The following EIF4G3 variants were observed in gnomAD, a reference collection of about 807,000 sequenced individuals.
EIF4G3 encodes the protein eIF-4-gamma 3.
In EIF4G3, 34 loss-of-function variants were observed where a neutral mutation model predicts 186.4. The ratio of observed to expected loss-of-function variants is 0.18; its 90% CI spans 0.14 to 0.24. The LOEUF (loss-of-function observed/expected upper bound fraction) is 0.24. Among genes scored for constraint, EIF4G3 ranks in the 10% least tolerant of loss-of-function variants. The pLI, the probability that EIF4G3 is intolerant of heterozygous loss-of-function variation, is 1.00. For missense variants in EIF4G3, 1,536 were observed against 1,948.5 expected (o/e 0.79, Z 3.99); for synonymous variants, 673 against 679.5 (o/e 0.99, Z 0.15).
At chr1:20,912,885 G>A (rs1030939597) in intron 14 of EIF4G3, among the ~76,000 whole-genome samples, 2 of 152,096 alleles carry the variant, frequency 1.3e-5, no homozygotes, top group Non-Finnish European at 2.9e-5. Flanking sequence ...ATCTTCATGG[G>A]AATCTAGGAA....
At position 20,950,032 on chromosome 1, in the gene EIF4G3, G is replaced by A. The variant is rs762997218; in HGVS notation, c.794C>T (p.Pro265Leu). 50 of 1,613,618 alleles carry A rather than the reference G, an allele frequency of 3.1e-5. No homozygotes were observed. In the South Asian group the frequency reaches 4.8e-4, roughly 16 times the overall value. ...VESAHLAAST[P>L]VTAASDQKQE... ...CTTCTGGTCGCTAGCTGCAGTGACA[G>A]GGGTGCTGGCAGCAAGATGAGCGCT... Residue 265 changes from proline (P) to leucine (L), a missense_variant, in exon 13 of 37, where the codon CCT (proline) becomes CTT (leucine). Coordinates refer to ENST00000602326, the MANE Select transcript of EIF4G3 (RefSeq NM_001391906.1).
intron 2 of EIF4G3, among the ~76,000 whole-genome samples, chr1:21,150,550 A>G (rs1573382290): frequency 6.6e-6 from 1 of 152,356 alleles, no homozygotes; most frequent in East Asian, 1.9e-4. Context: ...TGGAAAATCT[A>G]AACGCATTTC....
At chr1:20,987,633 G>A (rs1195311242) in intron 7 of EIF4G3, among the ~76,000 whole-genome samples, 1 of 152,116 alleles carries the variant, frequency 6.6e-6, no homozygotes, top group Non-Finnish European at 1.5e-5. Context: ...ACCCATAGAA[G>A]ACAGCAAACT....
intron 17 of EIF4G3, among the ~76,000 whole-genome samples, chr1:20,894,553 C>T (rs113092809): frequency 1.1e-3 from 167 of 152,190 alleles, no homozygotes; most frequent in African/African-American, 3.9e-3. Context: ...AATTTTTTTG[C>T]GTGAAAATTC....
At chr1:20,871,200 A>C (rs1028978027) in intron 20 of EIF4G3, among the ~76,000 whole-genome samples, 2 of 152,230 alleles carry the variant, frequency 1.3e-5, no homozygotes, top group African/African-American at 4.8e-5. Context: ...AATGACATGG[A>C]AAGAGAAAAA....
intron 14 of EIF4G3, among the ~76,000 whole-genome samples, chr1:20,910,786 T>C (rs2093068912): frequency 6.6e-6 from 1 of 152,096 alleles, no homozygotes; most frequent in Admixed American, 6.6e-5. Context: ...GAGAGTAGGT[T>C]AAGGTTAAAA....
intron 12 of EIF4G3, among the ~76,000 whole-genome samples, chr1:20,960,220 A>G (rs2096540462): frequency 6.6e-6 from 1 of 151,232 alleles, no homozygotes; most frequent in African/African-American, 2.4e-5. Flanking sequence ...TAATCCCAGC[A>G]CTTTGGGAGG....
At position 21,036,820 on chromosome 1, in the gene EIF4G3, G is replaced by C. The variant is rs572915411; in HGVS notation, c.-67+14046C>G. ...GGTTTGAGCCCAGGAGGTAGAGGTT[G>C]CAATGAGCCAAGATCGTGCCACTGC... is the stretch of plus-strand genomic sequence containing the variant. On this transcript the variant is annotated intron_variant, in intron 4 of 36. Coordinates refer to ENST00000602326, the MANE Select transcript of EIF4G3 (RefSeq NM_001391906.1). 2.4e-4 allele frequency among the ~76,000 whole-genome samples: 36 copies of C among 152,282 alleles called. No homozygotes were observed. In the South Asian group the frequency reaches 7.5e-3, roughly 32 times the overall value.
At chr1:20,884,927 G>A (rs562164290) in intron 19 of EIF4G3, among the ~76,000 whole-genome samples, 1 of 152,200 alleles carries the variant, frequency 6.6e-6, no homozygotes, top group Admixed American at 6.5e-5. Context: ...TGGGGGTGGG[G>A]TTGAGCGGGG....
In EIF4G3 at chr1:20,817,409, T is replaced by C; in HGVS notation, c.4498A>G (p.Ile1500Val). Residue 1500 changes from isoleucine to valine, a missense_variant, in exon 34 of 37, where the codon ATC (isoleucine) becomes GTC (valine). This residue lies in a region of EIF4G3 where 395 missense variants were observed against 498.9 expected (regional missense o/e 0.79). Coordinates refer to ENST00000602326, the MANE Select transcript of EIF4G3 (RefSeq NM_001391906.1). ...CTTTATACCTCTACCCAGTCAAAGA[T>C]CTGTTCATCATTCGCTTTGTCCTCA... ...IIEDKANDEQ[I>V]FDWVEANLDE... is the part of the protein sequence containing the mutation. 2.5e-6 allele frequency: 4 copies of C among 1,598,740 alleles called. No homozygotes were observed. Among genetic ancestry groups the C allele is most frequent in the Non-Finnish European group, 3.4e-6 (4 of 1,170,970 alleles).
At chr1:20,932,404 G>A (rs2095352044) in intron 14 of EIF4G3, among the ~76,000 whole-genome samples, 1 of 152,054 alleles carries the variant, frequency 6.6e-6, no homozygotes, top group South Asian at 2.1e-4. Flanking sequence ...CTTTTCCTTT[G>A]CATTCACAAC....
In EIF4G3 at chr1:20,863,378, T is replaced by TAAAAAAAAAAAAAAAAAAA. The variant is rs3051243; in HGVS notation, c.3007-1065_3007-1047dup. On this transcript the variant is annotated intron_variant, in intron 22 of 36. Transcript: ENST00000602326. ...TGAGACCCATCATCTCTACAAAAAG[T>TAAAAAAAAAAAAAAAAAAA]AAAAAAAAAAAAAAAAAAAAAAAAT... Among the ~76,000 whole-genome samples the TAAAAAAAAAAAAAAAAAAA allele has an allele frequency of 4.0e-3, 405 of 102,384 alleles. 2 individuals are homozygous for TAAAAAAAAAAAAAAAAAAA. Among genetic ancestry groups the TAAAAAAAAAAAAAAAAAAA allele is most frequent in the Admixed American group, 0.01 (94 of 9,308 alleles). 67.2% of individuals were successfully genotyped at this position (102,384 alleles called of 152,430 possible).
intron 19 of EIF4G3, among the ~76,000 whole-genome samples, chr1:20,883,012 G>A (rs1406576974): frequency 2.6e-5 from 4 of 151,612 alleles, no homozygotes; most frequent in Admixed American, 6.6e-5. Context: ...AGCCCAGCAG[G>A]TCAAGGCTAC....
chr1:20,841,069 T>G (rs771566079), intron 29 of EIF4G3, 41 bp from the exon 30 acceptor site: 2 of 1,596,722 alleles, frequency 1.3e-6, no homozygotes, highest in South Asian at 1.1e-5. Flanking sequence ...AAAATCTGAA[T>G]AGTGTTACCA....
chr1:21,132,488 G>A (rs1407472769), intron 2 of EIF4G3, among the ~76,000 whole-genome samples: 1 of 152,170 alleles, frequency 6.6e-6, no homozygotes, highest in African/African-American at 2.4e-5. Context: ...CTGTCACCCA[G>A]GCTAGAGTGC....
At chr1:21,108,212 C>A (rs2096650535) in intron 2 of EIF4G3, among the ~76,000 whole-genome samples, 1 of 152,152 alleles carries the variant, frequency 6.6e-6, no homozygotes, top group Admixed American at 6.6e-5. Context: ...GAAAATCTGA[C>A]CACTTGCTAA....
chr1:20,826,475 G>A (rs542276268), intron 32 of EIF4G3, among the ~76,000 whole-genome samples: 13 of 130,226 alleles, frequency 1.0e-4, no homozygotes, highest in African/African-American at 3.6e-4. Flanking sequence ...CAGAATGTGA[G>A]TCTTTCTTTT....
At chr1:20,861,001 C>T (rs955626508) in intron 23 of EIF4G3, among the ~76,000 whole-genome samples, 2 of 152,146 alleles carry the variant, frequency 1.3e-5, no homozygotes, top group Non-Finnish European at 2.9e-5. Context: ...TCTCCAATAT[C>T]ATGGTTCTGA....
intron 2 of EIF4G3, chr1:21,175,665 C>A (rs2098086638): frequency 1.3e-5 from 2 of 152,190 alleles, no homozygotes; most frequent in African/African-American, 4.8e-5. Context: ...ATCCAACATA[C>A]CTCGGAAACG....
Sources: allele counts gnomAD v4.1 joint callset (sites outside exome capture counted in the v4.1 genomes callset), GRCh38; gene constraint gnomAD v4.1.1; regional missense constraint gnomAD v4.1.1; transcripts MANE v1.5; gene names NCBI Gene and HGNC (gene_info 2026-07-23, HGNC 2026-07-21).